Variants in FRK observed in about 807,000 individuals in gnomAD.
FRK encodes tyrosine-protein kinase FRK.
Under a neutral mutation model 56.4 loss-of-function variants are expected in FRK, and 51 were observed. The ratio of observed to expected loss-of-function variants is 0.90; its 90% CI spans 0.72 to 1.14. The LOEUF (loss-of-function observed/expected upper bound fraction) is 1.14. FRK is among the 50% of genes most tolerant of loss of function. The probability of loss-of-function intolerance (pLI) is 0.00; values close to 1 mark genes in which losing one functional copy is unlikely to be tolerated. For missense variants in FRK, 570 were observed against 601.4 expected (o/e 0.95, Z 0.55); for synonymous variants, 245 against 217.9 (o/e 1.12, Z -1.10).
At chr6:116,089,718 G>A in the FRK span, among the ~76,000 whole-genome samples, 1 of 152,090 alleles carries the variant, frequency 6.6e-6, no homozygotes, top group African/African-American at 2.4e-5. Context: ...TTGGATCTGG[G>A]CCCACCTTAA....
the FRK span, among the ~76,000 whole-genome samples, chr6:116,068,715 A>G: frequency 3.3e-5 from 5 of 152,132 alleles, no homozygotes; most frequent in Admixed American, 2.6e-4. Context: ...GAGCATAATC[A>G]TGAAACCCTA....
chr6:116,004,251 CTG>C (rs1775171018), intron 1 of FRK, among the ~76,000 whole-genome samples: 1 of 152,158 alleles, frequency 6.6e-6, no homozygotes. Context: ...CTTCTCACAG[CTG>C]TGTTCTGTCT....
At chr6:116,065,603 T>C (rs143155214), upstream of FRK, among the ~76,000 whole-genome samples, 457 of 152,324 alleles carry the variant, frequency 3.0e-3, 2 homozygotes, top group African/African-American at 0.01. Context: ...CTTTTAAGAA[T>C]CGAATAAAAT....
rs892968301 is a variant in FRK at position 115,943,844 on chromosome 6, C to G, written c.1140+400G>C. On this transcript the variant is annotated intron_variant, in intron 6 of 7. Coordinates refer to ENST00000606080, the MANE Select transcript of FRK (RefSeq NM_002031.3). ...GGTAAAAATGGGGAAATCAAAAAGC[C>G]AATGATTGCTGAAGAATTCTGGCAG... Among the ~76,000 whole-genome samples, 6 of 152,000 alleles carry G rather than the reference C, an allele frequency of 3.9e-5. 1 individual carries two copies. The highest frequency in any genetic ancestry group is 1.4e-4 in the African/African-American group (6 of 41,394).
the FRK span, among the ~76,000 whole-genome samples, chr6:116,076,179 A>C: frequency 6.6e-6 from 1 of 152,168 alleles, no homozygotes; most frequent in Non-Finnish European, 1.5e-5. Flanking sequence ...TTATATGATG[A>C]TTGCCAGATG....
At chr6:116,091,409 T>C in the FRK span, among the ~76,000 whole-genome samples, 5 of 152,190 alleles carry the variant, frequency 3.3e-5, no homozygotes, top group Non-Finnish European at 5.9e-5. Context: ...GTGGAAGCTT[T>C]GTTCTTTCGC....
chr6:116,016,728 A>T (rs76252254), intron 1 of FRK, among the ~76,000 whole-genome samples: 3 of 152,020 alleles, frequency 2.0e-5, no homozygotes, highest in Non-Finnish European at 4.4e-5. Flanking sequence ...TTCTTCCTTC[A>T]TTCTTTCTTT....
chr6:116,004,099 G>A, intron 1 of FRK, 101 bp from the exon 2 acceptor site: 2 of 1,016,916 alleles, frequency 2.0e-6, no homozygotes, highest in Admixed American at 2.5e-5. Context: ...AAAATGTTTG[G>A]TATTCTTTAG....
intron 2 of FRK, among the ~76,000 whole-genome samples, chr6:115,997,787 C>A (rs1204559745): frequency 6.6e-6 from 1 of 152,128 alleles, no homozygotes; most frequent in African/African-American, 2.4e-5. Context: ...AGAAAAGAAT[C>A]CTGGGAACTC....
intron 1 of FRK, among the ~76,000 whole-genome samples, chr6:116,007,555 T>C (rs951167369): frequency 6.6e-6 from 1 of 152,216 alleles, no homozygotes; most frequent in African/African-American, 2.4e-5. Flanking sequence ...GAATTTAGGA[T>C]AAAGAACACC....
intron 1 of FRK, among the ~76,000 whole-genome samples, chr6:116,046,955 T>G (rs962989295): frequency 6.6e-6 from 1 of 151,916 alleles, no homozygotes; most frequent in African/African-American, 2.4e-5. Flanking sequence ...GTTGTGGTCC[T>G]GATGCCCCCA....
intron 5 of FRK, among the ~76,000 whole-genome samples, chr6:115,949,422 T>G (rs505305): frequency 0.97 from 147,377 of 152,250 alleles, 71,520 homozygotes; most frequent in East Asian, 1. Context: ...CTGTGGGTTT[T>G]TCATAAATAG....
At chr6:116,001,508 A>G (rs1406504102) in intron 2 of FRK, among the ~76,000 whole-genome samples, 2 of 152,172 alleles carry the variant, frequency 1.3e-5, no homozygotes, top group East Asian at 3.8e-4. Flanking sequence ...ACATACTCTG[A>G]GTTTCCTGAA....
the FRK span, among the ~76,000 whole-genome samples, chr6:116,092,519 G>C: frequency 6.6e-6 from 1 of 152,140 alleles, no homozygotes; most frequent in Non-Finnish European, 1.5e-5. Flanking sequence ...CCTCTTTGTG[G>C]TCTAGGAGGA....
chr6:116,004,132 G>A (rs1205900929), intron 1 of FRK, 134 bp from the exon 2 acceptor site: 3 of 725,162 alleles, frequency 4.1e-6, no homozygotes, highest in Middle Eastern at 4.0e-4. Context: ...AGGTATAAAT[G>A]GTAGCTTCTG....
At chr6:116,079,678 C>A in the FRK span, among the ~76,000 whole-genome samples, 1 of 152,028 alleles carries the variant, frequency 6.6e-6, no homozygotes, top group Non-Finnish European at 1.5e-5. Context: ...GCAGCCTTGA[C>A]CTTCTGGGCT....
At chr6:116,033,389 C>T (rs1184741178) in intron 1 of FRK, among the ~76,000 whole-genome samples, 2 of 152,092 alleles carry the variant, frequency 1.3e-5, no homozygotes, top group East Asian at 1.9e-4. Context: ...TGTCCTAAGC[C>T]CATAGATCAG....
chr6:115,943,522 ATT>A lies in FRK; in HGVS notation c.1141-339_1141-338del, dbSNP rs1159129076. On this transcript the variant is annotated intron_variant, in intron 6 of 7. Coordinates refer to ENST00000606080, the MANE Select transcript of FRK (RefSeq NM_002031.3). The stretch of plus-strand genomic sequence containing the variant: ...AAAAAAAAAAAAGGAAGCAAAGTCT[ATT>A]GTTTGATTTACTGATGATATTGAAA... Among the ~76,000 whole-genome samples the A allele has an allele frequency of 8.0e-5, 12 of 150,218 alleles. No homozygotes were observed. In the East Asian group the frequency reaches 2.0e-3, roughly 24 times the overall value.
chr6:116,074,547 T>G, the FRK span, among the ~76,000 whole-genome samples: 1 of 152,196 alleles, frequency 6.6e-6, no homozygotes, highest in Non-Finnish European at 1.5e-5. Context: ...TAAAAATATA[T>G]TTTAGTGAGT....
Sources: gnomAD v4.1 joint callset for allele counts (sites outside exome capture counted in the v4.1 genomes callset) on GRCh38, gnomAD v4.1.1 for gene constraint, MANE v1.5 for transcripts, NCBI Gene and HGNC (gene_info 2026-07-23, HGNC 2026-07-21) for gene names.